Variants in ARHGEF12 observed in about 807,000 individuals in gnomAD.
ARHGEF12 encodes KMT2A/ARHGEF12 fusion protein.
ARHGEF12 carries 66 observed loss-of-function variants against 211.2 expected under a neutral mutation model. The ratio of observed to expected loss-of-function variants is 0.31; its 90% confidence interval spans 0.26 to 0.38. ARHGEF12 has a LOEUF of 0.38. Ranked by LOEUF, ARHGEF12 falls within the 10% of genes least tolerant of loss-of-function variation. ARHGEF12 has a pLI of 1.00. For synonymous variants in ARHGEF12, 592 were observed against 638.4 expected, an observed-to-expected ratio of 0.93 and a Z score of 1.09; for missense variants, 1,429 against 1,869.5, an observed-to-expected ratio of 0.76 and a Z score of 4.34.
At position 120,340,018 on chromosome 11, in the gene ARHGEF12, A is replaced by C. The variant is rs1591473188; in HGVS notation, c.32+2743A>C. On this transcript the variant is annotated intron_variant, in intron 1 of 40. Transcript: ENST00000397843. Reference sequence around the variant, plus strand: ...GCTATTACTTCTATGTAGTATATCCAAACAGCTTTAAAAAAAATGGTAAGC... The same window carrying C: ...GCTATTACTTCTATGTAGTATATCCCAACAGCTTTAAAAAAAATGGTAAGC... Among the ~76,000 whole-genome samples the C allele has an allele frequency of 1.3e-5, 2 of 152,354 alleles. 1 individual carries two copies.
rs538162978 is a variant in ARHGEF12, at chr11:120,470,537, T to A, written c.2955+1149T>A. ...AAGCAGTTGGCTGTATGGGCCCACC[T>A]CTAAGAGGACCATGTTGAAGATAAA... On this transcript the variant is annotated intron_variant, in intron 30 of 40. Coordinates refer to ENST00000397843, the MANE Select transcript of ARHGEF12 (RefSeq NM_015313.3). Among the ~76,000 whole-genome samples the A allele has an allele frequency of 3.0e-4, 46 of 152,280 alleles. 1 individual carries two copies. The South Asian group carries it at 6.2e-3, about 21-fold the overall frequency.
Position 120,480,316 on chromosome 11 carries a change from G to T in ARHGEF12, c.4123G>T (p.Asp1375Tyr). Residue 1375 changes from aspartate to tyrosine, a missense_variant, in exon 38 of 41, where the codon GAT (aspartate) becomes TAT (tyrosine). Physicochemically the swap from Asp to Tyr is radical, Grantham distance 160. Coordinates refer to ENST00000397843, the MANE Select transcript of ARHGEF12 (RefSeq NM_015313.3). ...MPTMEPEGGL[D>Y]DSGEHFFDAR... ...TACCATGGAGCCAGAAGGGGGTCTT[G>T]ATGACAGTGGAGAGCACTTTTTTGA... 6.2e-7 allele frequency: 1 copy of T among 1,614,168 alleles called. No individual in the cohort carries two copies. Among genetic ancestry groups the T allele is most frequent in the Non-Finnish European group, 8.5e-7 (1 of 1,180,038 alleles).
At chr11:120,363,489 G>A (rs1943335701) in intron 1 of ARHGEF12, among the ~76,000 whole-genome samples, 1 of 152,060 alleles carries the variant, frequency 6.6e-6, no homozygotes, top group Non-Finnish European at 1.5e-5. Context: ...TCTATTTGTA[G>A]CAAGTTAATA....
At chr11:120,437,523 A>AT (rs1945731303) in intron 12 of ARHGEF12, 141 bp downstream of exon 12, 2 of 519,968 alleles carry the variant, frequency 3.8e-6, no homozygotes, top group African/African-American at 2.0e-5. Flanking sequence ...GAAACTTAAT[A>AT]AAGATTTGAA....
intron 28 of ARHGEF12, 69 bp from the exon 29 acceptor site, chr11:120,467,125 G>C: frequency 1.0e-6 from 1 of 979,942 alleles, no homozygotes; most frequent in Non-Finnish European, 1.6e-6. Flanking sequence ...AAACCCTCAC[G>C]GTGAATACAT....
intron 1 of ARHGEF12, among the ~76,000 whole-genome samples, chr11:120,376,654 A>C (rs943252551): frequency 6.6e-6 from 1 of 152,302 alleles, no homozygotes; most frequent in African/African-American, 2.4e-5. Context: ...TGTTACAAAC[A>C]TTCCAATTAT....
chr11:120,376,172 T>C (rs1465104584), intron 1 of ARHGEF12, among the ~76,000 whole-genome samples: 5 of 152,206 alleles, frequency 3.3e-5, no homozygotes, highest in African/African-American at 1.2e-4. Context: ...GCTTGGGCTT[T>C]AGTTATTAAA....
At chr11:120,365,829 G>T (rs1003754340) in intron 1 of ARHGEF12, 2 of 152,164 alleles carry the variant, frequency 1.3e-5, no homozygotes, top group African/African-American at 4.8e-5. Context: ...AGTAGGGAAG[G>T]ATAATTTTTA....
At chr11:120,407,706 A>C (rs2135578688) in intron 2 of ARHGEF12, 32 bp from the exon 3 acceptor site, 1 of 1,510,610 alleles carries the variant, frequency 6.6e-7, no homozygotes, top group Non-Finnish European at 9.2e-7. Context: ...ATTTTCTTGC[A>C]CTAAGCATTT....
chr11:120,466,612 C>A (rs183398178), intron 28 of ARHGEF12, among the ~76,000 whole-genome samples: 1 of 152,272 alleles, frequency 6.6e-6, no homozygotes. Context: ...AGGATGGGAA[C>A]CTTGGAGGCC....
chr11:120,477,722 C>T (rs1201921670), intron 36 of ARHGEF12, 196 bp downstream of exon 36: 7 of 494,324 alleles, frequency 1.4e-5, no homozygotes, highest in South Asian at 1.1e-4. Flanking sequence ...AAAAATTAGC[C>T]GGGCATGGTG....
chr11:120,348,083 AATTAC>A (rs1942821982), intron 1 of ARHGEF12, among the ~76,000 whole-genome samples: 1 of 152,142 alleles, frequency 6.6e-6, no homozygotes, highest in South Asian at 2.1e-4. Context: ...AGTTTTTTCT[AATTAC>A]ATTATATTGC....
chr11:120,388,209 T>C (rs1190255478), intron 1 of ARHGEF12, among the ~76,000 whole-genome samples: 4 of 152,230 alleles, frequency 2.6e-5, no homozygotes, highest in African/African-American at 9.6e-5. Flanking sequence ...TGTCTTTTTG[T>C]AAGTGAACTC....
rs201551205 is a variant in ARHGEF12 at position 120,479,927 on chromosome 11, G to GT, written c.3767-25dup. 1.2e-3 allele frequency: 1,941 copies of GT among 1,570,288 alleles called. 26 individuals are homozygous for GT. The African/African-American group carries it at 0.024, about 19-fold the overall frequency. On this transcript the variant is annotated intron_variant, in intron 37 of 40. Coordinates refer to ENST00000397843, the MANE Select transcript of ARHGEF12 (RefSeq NM_015313.3). ...AGCCTGAGGTTATAGTTGTGAATATGTTTTTTTTCCCCCTCCTTCCTAAAT... is the reference window on the plus strand; with the variant it reads ...AGCCTGAGGTTATAGTTGTGAATATGTTTTTTTTTCCCCCTCCTTCCTAAAT...
intron 13 of ARHGEF12, among the ~76,000 whole-genome samples, chr11:120,440,533 T>C (rs1945837994): frequency 6.6e-6 from 1 of 152,204 alleles, no homozygotes; most frequent in South Asian, 2.1e-4. Context: ...TAAAGGAATA[T>C]GATTAGCTAG....
chr11:120,442,425 TATAC>T (rs1328380845), intron 15 of ARHGEF12, among the ~76,000 whole-genome samples: 50 of 130,584 alleles, frequency 3.8e-4, no homozygotes, highest in Admixed American at 2.9e-3. Context: ...TATATATATA[TATAC>T]ACACACACAC....
At chr11:120,345,651 C>T (rs1049508155) in intron 1 of ARHGEF12, among the ~76,000 whole-genome samples, 1 of 132,878 alleles carries the variant, frequency 7.5e-6, no homozygotes, top group Non-Finnish European at 1.5e-5. Context: ...TGCAGTGAGC[C>T]GAGATCGCGC....
Position 120,440,132 on chromosome 11 carries a change from A to T in ARHGEF12, c.1003A>T (p.Thr335Ser). ...EKSETIQDTD[T>S]QSLVGSPSTR... Reference sequence around the variant, plus strand: ...TCTTTTCCCTGAATGTTGCCAGGACACTCAATCACTTGTCGGAAGTCCCTC... The same window carrying T: ...TCTTTTCCCTGAATGTTGCCAGGACTCTCAATCACTTGTCGGAAGTCCCTC... Residue 335 changes from threonine (T) to serine (S), a missense_variant, in exon 13 of 41, where the codon ACT (threonine) becomes TCT (serine). Thr to Ser is a moderately conservative substitution (Grantham distance 58, BLOSUM62 1). Around this residue, in one of 7 missense-constraint regions of ARHGEF12, gnomAD observed 254 missense variants for 286.4 expected, o/e 0.89. Coordinates refer to ENST00000397843, the MANE Select transcript of ARHGEF12 (RefSeq NM_015313.3). 1 of 1,609,310 alleles carries T rather than the reference A, an allele frequency of 6.2e-7. No individual in the cohort carries two copies. The highest frequency in any genetic ancestry group is 8.5e-7 in the Non-Finnish European group (1 of 1,177,704).
chr11:120,425,352 T>TTTG, intron 7 of ARHGEF12, among the ~76,000 whole-genome samples: 1 of 150,250 alleles, frequency 6.7e-6, no homozygotes, highest in Non-Finnish European at 1.5e-5. Context: ...TTTTTTTTTT[T>TTTG]TTTGTTTGTT....
Sources: allele counts gnomAD v4.1 joint callset (sites outside exome capture counted in the v4.1 genomes callset), GRCh38; gene constraint gnomAD v4.1.1; regional missense constraint gnomAD v4.1.1; transcripts MANE v1.5; gene names NCBI Gene and HGNC (gene_info 2026-07-23, HGNC 2026-07-21).